The following GLG1 variants were observed in gnomAD, a reference collection of about 807,000 sequenced individuals.
The protein encoded by GLG1 is Golgi apparatus protein 1.
A neutral mutation model predicts 160.5 loss-of-function variants in GLG1; 38 were observed. That is an observed-to-expected ratio of 0.24 (90% confidence interval 0.18 to 0.31). The LOEUF (loss-of-function observed/expected upper bound fraction) is 0.31, where lower values mean the gene tolerates loss of function less well. Ranked by LOEUF, GLG1 falls within the 10% of genes least tolerant of loss-of-function variation. GLG1 has a pLI of 1.00. For missense variants in GLG1, 1,373 were observed against 1,505.2 expected (o/e 0.91, Z 1.45); for synonymous variants, 644 against 543.4 (o/e 1.19, Z -2.57).
chr16:74,469,171 G>A, intron 16 of GLG1, 108 bp from the exon 17 acceptor site: 1 of 741,188 alleles, frequency 1.3e-6, no homozygotes, highest in Non-Finnish European at 2.4e-6. Flanking sequence ...TGCCCTTTGG[G>A]GGAATGTCTT....
chr16:74,601,137 G>C (rs890751499), intron 1 of GLG1, among the ~76,000 whole-genome samples: 6 of 152,048 alleles, frequency 3.9e-5, no homozygotes, highest in Admixed American at 6.6e-5. Context: ...ATTGCTGTTT[G>C]AATTATTCAT....
chr16:74,489,742 C>T (rs1453097617), intron 8 of GLG1, among the ~76,000 whole-genome samples: 2 of 152,190 alleles, frequency 1.3e-5, no homozygotes, highest in Non-Finnish European at 1.5e-5. Flanking sequence ...TGTTTTCCCA[C>T]CATGGGATGC....
chr16:74,579,741 AC>A (rs1957896370), intron 1 of GLG1, among the ~76,000 whole-genome samples: 1 of 150,144 alleles, frequency 6.7e-6, no homozygotes, highest in Non-Finnish European at 1.5e-5. Context: ...ACAAAACAAA[AC>A]AAAAAACCCT....
intron 18 of GLG1, among the ~76,000 whole-genome samples, chr16:74,467,368 G>A (rs930519052): frequency 6.6e-6 from 1 of 152,198 alleles, no homozygotes; most frequent in African/African-American, 2.4e-5. Flanking sequence ...AGGTGATTCT[G>A]ATGTGACGTC....
At chr16:74,592,639 T>C (rs1384972327) in intron 1 of GLG1, among the ~76,000 whole-genome samples, 1 of 152,118 alleles carries the variant, frequency 6.6e-6, no homozygotes, top group Non-Finnish European at 1.5e-5. Context: ...TCTGAGAGAT[T>C]AATTTGCCCA....
intron 2 of GLG1, among the ~76,000 whole-genome samples, chr16:74,511,045 A>G (rs1236961669): frequency 6.6e-6 from 1 of 152,168 alleles, no homozygotes; most frequent in Non-Finnish European, 1.5e-5. Flanking sequence ...CCAGAAGTCC[A>G]ATGGAGGACT....
intron 19 of GLG1, chr16:74,464,057 G>A (rs1327322442): frequency 6.5e-6 from 1 of 153,274 alleles, no homozygotes; most frequent in African/African-American, 2.4e-5. Context: ...CGTGGTACAA[G>A]AGGAGCAGGT....
rs538366275 is a variant in GLG1 at position 74,592,425 on chromosome 16, C to A, written c.438+14232G>T. ...TCCCCAAGTGCTGAGAGCCACTGCACCCGGACTGTTTATATAAATGTTCTT... is the reference window on the plus strand; with the variant it reads ...TCCCCAAGTGCTGAGAGCCACTGCAACCGGACTGTTTATATAAATGTTCTT... On this transcript the variant is annotated intron_variant, in intron 1 of 25. Transcript: ENST00000422840. Among the ~76,000 whole-genome samples the A allele has an allele frequency of 1.0e-3, 159 of 152,184 alleles. 1 individual carries two copies. The highest frequency in any genetic ancestry group is 0.01 in the Middle Eastern group (3 of 294).
At chr16:74,473,295 C>A (rs575070929) in intron 13 of GLG1, among the ~76,000 whole-genome samples, 3 of 151,838 alleles carry the variant, frequency 2.0e-5, no homozygotes, top group African/African-American at 7.3e-5. Context: ...CTCACTGCAA[C>A]CTCCGCCTCC....
chr16:74,469,249 A>G (rs2015111999), intron 16 of GLG1, 186 bp from the exon 17 acceptor site: 1 of 595,860 alleles, frequency 1.7e-6, no homozygotes, highest in Admixed American at 2.9e-5. Flanking sequence ...GGTGTCATGA[A>G]AGGCAGGCAG....
intron 1 of GLG1, chr16:74,563,032 A>C (rs1218519280): frequency 6.6e-6 from 1 of 152,246 alleles, no homozygotes; most frequent in Non-Finnish European, 1.5e-5. Flanking sequence ...CCCCAGAAGC[A>C]GATGGCACCC....
chr16:74,591,923 C>G (rs1017957334), intron 1 of GLG1, among the ~76,000 whole-genome samples: 1 of 152,156 alleles, frequency 6.6e-6, no homozygotes, highest in African/African-American at 2.4e-5. Context: ...CTTTGATAGG[C>G]AGTATTCCAA....
intron 14 of GLG1, 118 bp from the exon 15 acceptor site, chr16:74,471,404 C>T: frequency 1.5e-6 from 1 of 670,832 alleles, no homozygotes; most frequent in Non-Finnish European, 2.7e-6. Context: ...AAAAAAAAGA[C>T]ACACCATAAA....
chr16:74,604,985 G>T (rs1958532280), intron 1 of GLG1, among the ~76,000 whole-genome samples: 1 of 152,298 alleles, frequency 6.6e-6, no homozygotes, highest in African/African-American at 2.4e-5. Context: ...GGTGGAGGTT[G>T]CAGTGAGCCA....
intron 1 of GLG1, among the ~76,000 whole-genome samples, chr16:74,579,696 T>C (rs753827802): frequency 6.6e-6 from 1 of 151,296 alleles, no homozygotes; most frequent in Admixed American, 6.6e-5. Flanking sequence ...CACTCCAGCA[T>C]GGGTGACAGC....
chr16:74,492,892 A>C (rs1338524880), intron 7 of GLG1, 65 bp downstream of exon 7: 7 of 943,762 alleles, frequency 7.4e-6, no homozygotes, highest in African/African-American at 5.1e-5. Flanking sequence ...TATATATATA[A>C]AGCTTTAGAG....
At chr16:74,493,813 T>C (rs1353727907) in intron 6 of GLG1, among the ~76,000 whole-genome samples, 1 of 152,142 alleles carries the variant, frequency 6.6e-6, no homozygotes, top group Non-Finnish European at 1.5e-5. Context: ...AACCTAAACT[T>C]CTTGAGGAGG....
At chr16:74,485,711 C>T in intron 9 of GLG1, 85 bp downstream of exon 9, 12 of 1,292,180 alleles carry the variant, frequency 9.3e-6, no homozygotes, top group Non-Finnish European at 1.2e-5. Flanking sequence ...ATGTCAACAA[C>T]CACCCAAAAG....
chr16:74,499,043 C>T (rs2016314780), intron 4 of GLG1, among the ~76,000 whole-genome samples: 1 of 151,982 alleles, frequency 6.6e-6, no homozygotes, highest in Non-Finnish European at 1.5e-5. Context: ...TCCTAACACA[C>T]ATATGAAGAA....
Sources: allele counts gnomAD v4.1 joint callset (sites outside exome capture counted in the v4.1 genomes callset), GRCh38; gene constraint gnomAD v4.1.1; transcripts MANE v1.5; gene names NCBI Gene and HGNC (gene_info 2026-07-23, HGNC 2026-07-21).